THEMIS: variants seen among roughly 807,000 people sequenced by gnomAD.
THEMIS encodes thymocyte selection associated.
A neutral mutation model predicts 52.6 loss-of-function variants in THEMIS; 37 were observed. The observed-to-expected ratio is 0.70, with a 90% confidence interval of 0.54 to 0.93. The LOEUF (loss-of-function observed/expected upper bound fraction) is 0.93. Among genes scored for constraint, THEMIS ranks in the 40% least tolerant of loss-of-function variants. The pLI, the probability that THEMIS is intolerant of heterozygous loss-of-function variation, is 0.00. For synonymous variants in THEMIS, 292 were observed against 272.7 expected (o/e 1.07, Z -0.70); for missense variants, 808 against 763.1 (o/e 1.06, Z -0.69).
chr6:127,878,242 A>G (rs1422153019), intron 1 of THEMIS, among the ~76,000 whole-genome samples: 1 of 152,142 alleles, frequency 6.6e-6, no homozygotes, highest in African/African-American at 2.4e-5. Context: ...CATGGGCCCT[A>G]TGCTCTACCG....
chr6:127,859,637 A>G (rs1779730580), intron 1 of THEMIS, among the ~76,000 whole-genome samples: 2 of 152,120 alleles, frequency 1.3e-5, no homozygotes, highest in South Asian at 4.1e-4. Flanking sequence ...TGCATGGGTT[A>G]TATCTTTATT....
chr6:127,862,452 C>CTTTTTTTTT (rs1562307581), intron 1 of THEMIS, among the ~76,000 whole-genome samples: 26 of 33,162 alleles, frequency 7.8e-4, no homozygotes, highest in Admixed American at 1.1e-3. Context: ...TTTTTTTTTG[C>CTTTTTTTTT]TCTGTTGCCC....
chr6:127,776,456 C>T (rs919372579), intron 4 of THEMIS, among the ~76,000 whole-genome samples: 6 of 152,230 alleles, frequency 3.9e-5, no homozygotes, highest in African/African-American at 1.4e-4. Context: ...CAGCTCTGTG[C>T]AGAGGCTCAT....
intron 1 of THEMIS, chr6:127,909,741 AAAC>A (rs1317015312): frequency 1.3e-5 from 2 of 152,158 alleles, no homozygotes. Context: ...CATAAACATA[AAAC>A]AACAACTATA....
At chr6:127,781,223 C>G (rs935807457) in intron 4 of THEMIS, among the ~76,000 whole-genome samples, 1 of 151,678 alleles carries the variant, frequency 6.6e-6, no homozygotes, top group Non-Finnish European at 1.5e-5. Context: ...AGTTCTTGTG[C>G]CGTGTTTTTC....
intron 2 of THEMIS, among the ~76,000 whole-genome samples, chr6:127,845,127 T>C (rs142433963): frequency 4.4e-4 from 67 of 151,936 alleles, no homozygotes; most frequent in African/African-American, 1.4e-3. Flanking sequence ...CCCTCTTGAC[T>C]TTTTCTTGAG....
At chr6:127,816,495 C>T (rs1443469152) in intron 3 of THEMIS, among the ~76,000 whole-genome samples, 2 of 152,170 alleles carry the variant, frequency 1.3e-5, no homozygotes, top group African/African-American at 4.8e-5. Context: ...GCTGTCTTCC[C>T]AGACTCAGCT....
chr6:127,866,087 C>G (rs1196698611), intron 1 of THEMIS, among the ~76,000 whole-genome samples: 1 of 151,992 alleles, frequency 6.6e-6, no homozygotes, highest in Admixed American at 6.6e-5. Flanking sequence ...TGTTGTAACT[C>G]ACACTCCTTA....
chr6:127,717,021 C>T (rs1163285308), intron 5 of THEMIS, among the ~76,000 whole-genome samples: 1 of 151,882 alleles, frequency 6.6e-6, no homozygotes, highest in Non-Finnish European at 1.5e-5. Flanking sequence ...AACTCAGAGA[C>T]TGAAAGATCC....
chr6:127,909,623 G>T lies in THEMIS; in HGVS notation c.-149-8542C>A, dbSNP rs559757944. Among the ~76,000 whole-genome samples the T allele has an allele frequency of 1.5e-4, 23 of 152,186 alleles. No individual in the cohort carries two copies. In the South Asian group the frequency reaches 3.9e-3, roughly 26 times the overall value. ...GTATCCTTATAGCAGCATGAGAACAGACTAATACACTTGGTAACCAAAGCT... is the reference window on the plus strand; with the variant it reads ...GTATCCTTATAGCAGCATGAGAACATACTAATACACTTGGTAACCAAAGCT... On this transcript the variant is annotated intron_variant, in intron 1 of 6. Transcript: ENST00000368250.
At chr6:127,908,193 T>G (rs1781325276) in intron 1 of THEMIS, among the ~76,000 whole-genome samples, 1 of 152,248 alleles carries the variant, frequency 6.6e-6, no homozygotes, top group East Asian at 1.9e-4. Context: ...AATTAATGTT[T>G]AATTGTCCTT....
intron 4 of THEMIS, among the ~76,000 whole-genome samples, chr6:127,771,350 A>G (rs1776378447): frequency 2.6e-5 from 4 of 152,186 alleles, no homozygotes; most frequent in Admixed American, 1.3e-4. Context: ...AAGGTAATTT[A>G]TAGATTCAAT....
chr6:127,753,982 A>G (rs1428892322), intron 4 of THEMIS, among the ~76,000 whole-genome samples: 1 of 152,098 alleles, frequency 6.6e-6, no homozygotes, highest in Non-Finnish European at 1.5e-5. Context: ...ACAAATATAT[A>G]TCTATGGCCT....
chr6:127,707,125 T>A (rs959204001), downstream of THEMIS, among the ~76,000 whole-genome samples: 16 of 152,026 alleles, frequency 1.1e-4, no homozygotes, highest in African/African-American at 3.4e-4. Context: ...TCATGAGAAC[T>A]CACTCACTAT....
At chr6:127,905,704 T>G (rs953794896), upstream of THEMIS, among the ~76,000 whole-genome samples, 2 of 152,018 alleles carry the variant, frequency 1.3e-5, no homozygotes, top group African/African-American at 4.8e-5. Flanking sequence ...GCAAAACTGA[T>G]AATGAAGTTA....
upstream of THEMIS, among the ~76,000 whole-genome samples, chr6:127,904,997 G>A (rs557772052): frequency 7.9e-5 from 12 of 151,958 alleles, no homozygotes; most frequent in Non-Finnish European, 1.3e-4. Context: ...TCTCTGCAGA[G>A]AGATATTTCA....
At chr6:127,803,604 T>A (rs1404342040) in intron 4 of THEMIS, among the ~76,000 whole-genome samples, 1 of 152,190 alleles carries the variant, frequency 6.6e-6, no homozygotes, top group Non-Finnish European at 1.5e-5. Flanking sequence ...CTCCTATTCT[T>A]AGTTCTACTT....
At chr6:127,799,587 T>TTTCTTTCTTTC (rs1562264826) in intron 4 of THEMIS, among the ~76,000 whole-genome samples, 4 of 124,550 alleles carry the variant, frequency 3.2e-5, no homozygotes, top group African/African-American at 9.0e-5. Flanking sequence ...TTCTTTCTTT[T>TTTCTTTCTTTC]TTTCTTTCTT....
intron 4 of THEMIS, among the ~76,000 whole-genome samples, chr6:127,741,485 A>C (rs1452379822): frequency 3.3e-5 from 5 of 152,188 alleles, no homozygotes; most frequent in African/African-American, 1.2e-4. Flanking sequence ...TGCAAAAATA[A>C]ACCAAAGGAG....
Sources: gnomAD v4.1 joint callset for allele counts (sites outside exome capture counted in the v4.1 genomes callset) on GRCh38, gnomAD v4.1.1 for gene constraint, MANE v1.5 for transcripts, NCBI Gene and HGNC (gene_info 2026-07-23, HGNC 2026-07-21) for gene names.